Variants in ULBP1 observed in about 807,000 individuals in gnomAD.
ULBP1 encodes the protein UL16 binding protein 1.
In ULBP1, 28 loss-of-function variants were observed where a neutral mutation model predicts 25.3. That is an observed-to-expected ratio of 1.10 (90% confidence interval 0.82 to 1.51). The LOEUF is 1.51. ULBP1 is among the 40% of genes most tolerant of loss of function. ULBP1 has a pLI of 0.00. For missense variants in ULBP1, 348 were observed against 290.9 expected, an observed-to-expected ratio of 1.20 and a Z score of -1.43; for synonymous variants, 129 against 103.0, an observed-to-expected ratio of 1.25 and a Z score of -1.53.
chr6:149,966,062 C>T (rs1177757300), intron 1 of ULBP1, among the ~76,000 whole-genome samples: 16 of 152,216 alleles, frequency 1.1e-4, no homozygotes, highest in Admixed American at 3.9e-4. Context: ...CCAGACCCGC[C>T]TGTTCTTCCG....
At position 149,966,575 on chromosome 6, in the gene ULBP1, C is replaced by T. The variant is rs116280008; in HGVS notation, c.86-2032C>T. ...TGCAGCCATGTAGTGTCCTGGGGAT[C>T]GGGGCCAACTGCTTGTGCAGCTTCT... On this transcript the variant is annotated intron_variant, in intron 1 of 4. Coordinates refer to ENST00000229708, the MANE Select transcript of ULBP1 (RefSeq NM_025218.4). 3.9e-3 allele frequency among the ~76,000 whole-genome samples: 598 copies of T among 152,276 alleles called. 2 individuals carry two copies. The highest frequency in any genetic ancestry group is 0.014 in the African/African-American group (561 of 41,536).
chr6:149,969,728 C>T (rs1779277869), intron 3 of ULBP1, among the ~76,000 whole-genome samples: 2 of 152,214 alleles, frequency 1.3e-5, no homozygotes, highest in South Asian at 4.1e-4. Flanking sequence ...AATGCCAGGG[C>T]CTGAGGCCCT....
rs1779315423 is a variant in ULBP1, at chr6:149,971,401, C to G, written c.*55C>G. On this transcript the variant is annotated 3_prime_UTR_variant, in exon 5 of 5. Coordinates refer to ENST00000229708, the MANE Select transcript of ULBP1 (RefSeq NM_025218.4). Reference sequence around the variant, plus strand: ...GTGATATCAAGAAGCCTCTGTTAGCCTGGTCTGGGTCCTGCTCTCCCTTCA... The same window carrying G: ...GTGATATCAAGAAGCCTCTGTTAGCGTGGTCTGGGTCCTGCTCTCCCTTCA... 1 of 985,234 alleles carries G rather than the reference C, an allele frequency of 1.0e-6. No individual in the cohort carries two copies. The highest frequency in any genetic ancestry group is 6.1e-5 in the Admixed American group (1 of 16,262). 61.0% of individuals were successfully genotyped at this position (985,234 alleles called of 1,614,324 possible).
intron 1 of ULBP1, 66 bp from the exon 2 acceptor site, chr6:149,968,541 T>G (rs1779243953): frequency 6.5e-7 from 1 of 1,548,414 alleles, no homozygotes; most frequent in Non-Finnish European, 8.7e-7. Flanking sequence ...TCACCATAAG[T>G]GGGAGGAGGG....
chr6:149,963,955 G>C lies in ULBP1; in HGVS notation c.-95G>C. The C allele has an allele frequency of 7.8e-7, 1 of 1,274,196 alleles. No individual in the cohort carries two copies. Among genetic ancestry groups the C allele is most frequent in the African/African-American group, 1.5e-5 (1 of 67,048 alleles). 78.9% of individuals were successfully genotyped at this position (1,274,196 alleles called of 1,614,324 possible). ...GATCCCGCCCAGTGTATCCCTGCGC[G>C]CGGCGGGCCGGGCTGGGCAGCTTTA... On this transcript the variant is annotated 5_prime_UTR_variant, in exon 1 of 5. Coordinates refer to ENST00000229708, the MANE Select transcript of ULBP1 (RefSeq NM_025218.4).
intron 1 of ULBP1, among the ~76,000 whole-genome samples, chr6:149,965,789 A>G (rs1582824055): frequency 6.6e-6 from 1 of 151,420 alleles, no homozygotes; most frequent in Non-Finnish European, 1.5e-5. Flanking sequence ...CACTTTCACC[A>G]CCCAGGTCGC....
rs186114726 is a variant in ULBP1 at position 149,972,271 on chromosome 6, C to T, written c.*925C>T. ...GGCAATGTGGGAAAGACTCCCTATT[C>T]GAAAATTAGTGCTGGAATATCTGGC... On this transcript the variant is annotated 3_prime_UTR_variant, in exon 5 of 5. Coordinates refer to ENST00000229708, the MANE Select transcript of ULBP1 (RefSeq NM_025218.4). 12 of 152,172 alleles carry T rather than the reference C, an allele frequency of 7.9e-5. No individual in the cohort carries two copies. In the East Asian group the frequency reaches 9.6e-4, roughly 12 times the overall value. 9.4% of individuals were successfully genotyped at this position (152,172 alleles called of 1,614,324 possible). A position where few individuals can be genotyped will look rare whatever the true frequency, so the allele number is the denominator to read the frequency against.
intron 3 of ULBP1, 35 bp from the exon 4 acceptor site, chr6:149,969,980 TG>T: frequency 1.3e-6 from 2 of 1,583,844 alleles, no homozygotes; most frequent in Non-Finnish European, 1.7e-6. Context: ...ATTTTGAGCC[TG>T]GACAAGGGTT....
At position 149,968,890 on chromosome 6, in the gene ULBP1, GGGAGCA is replaced by G; in HGVS notation, c.349+22_349+27del. On this transcript the variant is annotated intron_variant, in intron 2 of 4. Coordinates refer to ENST00000229708, the MANE Select transcript of ULBP1 (RefSeq NM_025218.4). ...CCATTGGTAAGTTTAAAATGGCCCA[GGGAGCA>G]GACACAGTAGTAACTTAGAGTCATT... The G allele has an allele frequency of 6.2e-7, 1 of 1,609,464 alleles. No individual in the cohort carries two copies.
Position 149,972,081 on chromosome 6 carries a change from A to G in ULBP1, c.*735A>G, listed in dbSNP as rs949849553. ...AGCAATGCTACCACCTTGGCCTCCC[A>G]ATGCTCTGGGATTACAGACATGAAC... On this transcript the variant is annotated 3_prime_UTR_variant, in exon 5 of 5. Coordinates refer to ENST00000229708, the MANE Select transcript of ULBP1 (RefSeq NM_025218.4). 6.6e-6 allele frequency: 1 copy of G among 152,162 alleles called. No homozygotes were observed. Among genetic ancestry groups the G allele is most frequent in the Non-Finnish European group, 1.5e-5 (1 of 68,028 alleles). 9.4% of individuals were successfully genotyped at this position (152,162 alleles called of 1,614,324 possible).
chr6:149,967,732 C>G (rs138980875), intron 1 of ULBP1, among the ~76,000 whole-genome samples: 1 of 152,062 alleles, frequency 6.6e-6, no homozygotes, highest in Non-Finnish European at 1.5e-5. Context: ...TGACAGTTGA[C>G]GGCCTCCGCT....
In ULBP1 at chr6:149,970,819, T is replaced by G. The variant is rs192983170; in HGVS notation, c.*23-550T>G. On this transcript the variant is annotated intron_variant, in intron 4 of 4. Coordinates refer to ENST00000229708, the MANE Select transcript of ULBP1 (RefSeq NM_025218.4). ...ATACTCCAGATCCTGAGCCAGCTGA[T>G]GGCCCTGCCTGGAGCAGAGTGGACT... is the stretch of plus-strand genomic sequence containing the variant. 7.7e-4 allele frequency among the ~76,000 whole-genome samples: 117 copies of G among 152,348 alleles called. 2 individuals carry two copies. In the East Asian group the frequency reaches 0.016, roughly 21 times the overall value.
chr6:149,964,169 G>A lies in ULBP1; in HGVS notation c.85+35G>A, dbSNP rs775253451. On this transcript the variant is annotated intron_variant, in intron 1 of 4. Coordinates refer to ENST00000229708, the MANE Select transcript of ULBP1 (RefSeq NM_025218.4). The stretch of plus-strand genomic sequence containing the variant: ...GGGATGTAGCCTAAGCAGGGCGGGG[G>A]CCAAACCTGGGAGGTTGTGGACTGC... 40 of 1,612,150 alleles carry A rather than the reference G, an allele frequency of 2.5e-5. No individual in the cohort carries two copies. The East Asian group carries it at 7.1e-4, about 29-fold the overall frequency.
intron 1 of ULBP1, among the ~76,000 whole-genome samples, chr6:149,965,480 A>T (rs1779189476): frequency 1.3e-5 from 2 of 152,206 alleles, no homozygotes; most frequent in Admixed American, 1.3e-4. Flanking sequence ...TACAGAGGGC[A>T]AGGTAGGGCG....
chr6:149,965,655 A>G (rs2114706932), intron 1 of ULBP1, among the ~76,000 whole-genome samples: 1 of 152,168 alleles, frequency 6.6e-6, no homozygotes, highest in African/African-American at 2.4e-5. Flanking sequence ...CCTGCTGTTC[A>G]CCACACAAAG....
intron 1 of ULBP1, among the ~76,000 whole-genome samples, chr6:149,966,508 G>T (rs1779206995): frequency 1.3e-5 from 2 of 152,142 alleles, no homozygotes; most frequent in South Asian, 4.2e-4. Flanking sequence ...GGCAATCAGG[G>T]ACCCTCCTTA....
chr6:149,968,519 C>A, intron 1 of ULBP1, 88 bp from the exon 2 acceptor site: 4 of 1,515,336 alleles, frequency 2.6e-6, no homozygotes, highest in Non-Finnish European at 3.5e-6. Context: ...CCTCAGAGGC[C>A]TTCACTTGCA....
chr6:149,969,433 G>A (rs1210265818), intron 3 of ULBP1, 73 bp downstream of exon 3: 87 of 1,348,544 alleles, frequency 6.5e-5, no homozygotes, highest in Middle Eastern at 5.7e-4. Context: ...GTGTGAGTGC[G>A]TGTGTGTGTG....
At position 149,972,972 on chromosome 6, in the gene ULBP1, C is replaced by T. The variant is rs535502746; in HGVS notation, c.*1626C>T. On this transcript the variant is annotated 3_prime_UTR_variant, in exon 5 of 5. Transcript: ENST00000229708. ...ACCATTCAATCCCGCAATCCCACTACTCGGGATATACCCACAGGAAAAGAA... is the reference window on the plus strand; with the variant it reads ...ACCATTCAATCCCGCAATCCCACTATTCGGGATATACCCACAGGAAAAGAA... 3 of 152,314 alleles carry T rather than the reference C, an allele frequency of 2.0e-5. No homozygotes were observed. In the South Asian group the frequency reaches 6.2e-4, roughly 32 times the overall value. The allele number at this position is 152,314 out of a possible 1,614,324, so 9.4% of individuals were successfully genotyped here.
Sources: allele counts gnomAD v4.1 joint callset (sites outside exome capture counted in the v4.1 genomes callset), GRCh38; gene constraint gnomAD v4.1.1; transcripts MANE v1.5; gene names NCBI Gene and HGNC (gene_info 2026-07-23, HGNC 2026-07-21).